Variants in FRMD3 observed in about 807,000 individuals in gnomAD.
The protein encoded by FRMD3 is FERM domain-containing protein 3.
Under a neutral mutation model 70.2 loss-of-function variants are expected in FRMD3, and 33 were observed. That is an observed-to-expected ratio of 0.47 (90% CI 0.36 to 0.63). The LOEUF (loss-of-function observed/expected upper bound fraction) is 0.63. Among genes scored for constraint, FRMD3 ranks in the 20% least tolerant of loss-of-function variants. FRMD3 has a pLI of 0.00. For synonymous variants in FRMD3, 279 were observed against 255.9 expected (o/e 1.09, Z -0.86); for missense variants, 632 against 711.4 (o/e 0.89, Z 1.27).
chr9:83,343,324 T>G (rs1823838444), intron 4 of FRMD3, 37 bp from the exon 5 acceptor site: 1 of 1,446,210 alleles, frequency 6.9e-7, no homozygotes, highest in East Asian at 2.3e-5. Flanking sequence ...CTCTAACTTT[T>G]GGCTGAAGTC....
chr9:83,464,651 C>T (rs1156473413), intron 1 of FRMD3, among the ~76,000 whole-genome samples: 3 of 152,148 alleles, frequency 2.0e-5, no homozygotes, highest in African/African-American at 7.2e-5. Flanking sequence ...GTGGACACCT[C>T]GTTCCTGGGT....
chr9:83,527,470 C>T (rs1432956602), intron 1 of FRMD3, among the ~76,000 whole-genome samples: 1 of 152,104 alleles, frequency 6.6e-6, no homozygotes, highest in African/African-American at 2.4e-5. Flanking sequence ...CCCAGTGAGG[C>T]ACAATCGAGG....
At chr9:83,339,144 T>G (rs1823675266) in intron 5 of FRMD3, among the ~76,000 whole-genome samples, 1 of 152,142 alleles carries the variant, frequency 6.6e-6, no homozygotes, top group Non-Finnish European at 1.5e-5. Flanking sequence ...AGACTTGCAA[T>G]GCTACACACT....
chr9:83,437,098 G>A (rs4877763), intron 1 of FRMD3, among the ~76,000 whole-genome samples: 83,605 of 152,026 alleles, frequency 0.55, 23,571 homozygotes, highest in African/African-American at 0.69. Flanking sequence ...AAGGTGACAC[G>A]GAGTCTTGTC....
At chr9:83,582,089 T>C in the FRMD3 span, among the ~76,000 whole-genome samples, 1 of 152,168 alleles carries the variant, frequency 6.6e-6, no homozygotes, top group African/African-American at 2.4e-5. Context: ...TTTTTTTCTT[T>C]AGAGACAGGA....
intron 1 of FRMD3, among the ~76,000 whole-genome samples, chr9:83,429,368 A>G (rs1280852890): frequency 6.6e-6 from 1 of 152,038 alleles, no homozygotes; most frequent in Non-Finnish European, 1.5e-5. Context: ...ACTCAGCCCT[A>G]TCAATTATTA....
Position 83,333,003 on chromosome 9 carries a change from G to C in FRMD3, c.596+2513C>G, listed in dbSNP as rs114807368. Among the ~76,000 whole-genome samples, 896 of 152,316 alleles carry C rather than the reference G, an allele frequency of 5.9e-3. 7 individuals are homozygous for C. The highest frequency in any genetic ancestry group is 0.021 in the African/African-American group (857 of 41,566). On this transcript the variant is annotated intron_variant, in intron 6 of 13. Coordinates refer to ENST00000304195, the MANE Select transcript of FRMD3 (RefSeq NM_174938.6). ...AAGACAGATAACACTTTCTTGACCT[G>C]TGTATGAAGGGGTGGTGGCACCCCC...
chr9:83,291,400 CAG>C (rs1003064244), intron 12 of FRMD3, among the ~76,000 whole-genome samples: 1 of 152,170 alleles, frequency 6.6e-6, no homozygotes, highest in Non-Finnish European at 1.5e-5. Flanking sequence ...CTACCTGCTG[CAG>C]AGATACTAGC....
chr9:83,466,469 C>G (rs933900706), intron 1 of FRMD3, among the ~76,000 whole-genome samples: 1 of 152,102 alleles, frequency 6.6e-6, no homozygotes, highest in African/African-American at 2.4e-5. Context: ...TTCAGTTGCA[C>G]CTTTTTTGCT....
intron 1 of FRMD3, among the ~76,000 whole-genome samples, chr9:83,451,389 T>TCACACACACACACA (rs10611241): frequency 6.4e-4 from 94 of 147,586 alleles, no homozygotes; most frequent in Admixed American, 3.9e-3. Context: ...AATACATACA[T>TCACACACACACACA]CACACACACA....
chr9:83,539,544 G>C (rs1459166975), upstream of FRMD3, among the ~76,000 whole-genome samples: 1 of 152,186 alleles, frequency 6.6e-6, no homozygotes, highest in African/African-American at 2.4e-5. Context: ...TGCCTGCATA[G>C]AGTCCCCTCA....
chr9:83,490,794 TCTCTCACACA>T (rs1254588562), intron 1 of FRMD3, among the ~76,000 whole-genome samples: 17 of 120,640 alleles, frequency 1.4e-4, no homozygotes, highest in African/African-American at 6.4e-4. Context: ...TCTCTCTCTC[TCTCTCACACA>T]CACACACACA....
At chr9:83,413,619 G>A (rs2131343587) in intron 1 of FRMD3, among the ~76,000 whole-genome samples, 1 of 152,258 alleles carries the variant, frequency 6.6e-6, no homozygotes, top group Admixed American at 6.5e-5. Context: ...CTCGCCAAAA[G>A]CCCACTTGAG....
intron 1 of FRMD3, among the ~76,000 whole-genome samples, chr9:83,505,348 G>C (rs1313755685): frequency 6.6e-6 from 1 of 152,104 alleles, no homozygotes; most frequent in Non-Finnish European, 1.5e-5. Flanking sequence ...GAAAGTGCTC[G>C]AGAAGGACAC....
intron 4 of FRMD3, among the ~76,000 whole-genome samples, chr9:83,347,412 C>T (rs993347710): frequency 2.0e-5 from 3 of 152,088 alleles, no homozygotes; most frequent in African/African-American, 7.2e-5. Flanking sequence ...TATTGTGCTG[C>T]CATTAATAAA....
intron 1 of FRMD3, among the ~76,000 whole-genome samples, chr9:83,523,933 G>A (rs1829633183): frequency 6.6e-6 from 1 of 152,166 alleles, no homozygotes; most frequent in South Asian, 2.1e-4. Context: ...GGGAACACAG[G>A]AGGTGAAGAT....
chr9:83,343,569 A>G (rs898336173), intron 4 of FRMD3, among the ~76,000 whole-genome samples: 2 of 152,030 alleles, frequency 1.3e-5, no homozygotes, highest in Non-Finnish European at 2.9e-5. Flanking sequence ...AAGCCACAGG[A>G]CCCAGTGGCC....
intron 3 of FRMD3, among the ~76,000 whole-genome samples, chr9:83,361,802 T>C (rs1485063073): frequency 1.3e-5 from 2 of 151,764 alleles, no homozygotes; most frequent in African/African-American, 4.8e-5. Flanking sequence ...CAGAGAAACA[T>C]AGGGAGGCAC....
intron 2 of FRMD3, among the ~76,000 whole-genome samples, chr9:83,388,942 C>CT (rs554000690): frequency 0.11 from 12,898 of 117,128 alleles, 1,329 homozygotes; most frequent in African/African-American, 0.2. Flanking sequence ...CTACCAATAG[C>CT]TTTTTTTTTT....
Sources: gnomAD v4.1 joint callset for allele counts (sites outside exome capture counted in the v4.1 genomes callset) on GRCh38, gnomAD v4.1.1 for gene constraint, MANE v1.5 for transcripts, NCBI Gene and HGNC (gene_info 2026-07-23, HGNC 2026-07-21) for gene names.